The following VWF variants were observed in gnomAD, a reference collection of about 807,000 sequenced individuals.
VWF encodes Factor VIII related antigen.
Under a neutral mutation model 308.6 loss-of-function variants are expected in VWF, and 176 were observed. The observed-to-expected ratio is 0.57, with a 90% CI of 0.50 to 0.65. VWF has a LOEUF of 0.65. Ranked by LOEUF, VWF falls within the 30% of genes least tolerant of loss-of-function variation. The pLI is 0.00. For missense variants in VWF, 3,146 were observed against 3,648.2 expected (o/e 0.86, Z 3.55); for synonymous variants, 1,385 against 1,443.4 (o/e 0.96, Z 0.92).
intron 15 of VWF, among the ~76,000 whole-genome samples, chr12:6,056,258 C>A (rs1944577198): frequency 1.4e-5 from 1 of 71,366 alleles, no homozygotes; most frequent in African/African-American, 8.1e-5. Flanking sequence ...GCAAATGTCC[C>A]CAGAGCAATA....
rs747351776 is a variant in VWF at position 5,971,679 on chromosome 12, A to G, written c.7468T>C (p.Cys2490Arg). The change falls in exon 44 of 52, where the codon TGC becomes CGC. Residue 2490 changes from cysteine (C) to arginine (R), a missense_variant. Cys to Arg is a radical substitution (Grantham distance 180). Around this residue, in one of 3 missense-constraint regions of VWF, gnomAD observed 989 missense variants for 1,117.4 expected, o/e 0.89. Coordinates refer to ENST00000261405, the MANE Select transcript of VWF (RefSeq NM_000552.5). ...GFTYVLHEGE[C>R]CGRCLPSACE... ...GCAGATGGCAGGCACCTTCCACAGC[A>G]CTCGCCTTCATGCAGAACGTAAGTG... 2 of 1,614,186 alleles carry G rather than the reference A, an allele frequency of 1.2e-6. No homozygotes were observed. The highest frequency in any genetic ancestry group is 1.7e-6 in the Non-Finnish European group (2 of 1,180,034).
chr12:6,055,903 TA>T (rs1944573781), intron 15 of VWF, among the ~76,000 whole-genome samples: 1 of 151,602 alleles, frequency 6.6e-6, no homozygotes, highest in Non-Finnish European at 1.5e-5. Context: ...ACCTCCCAAG[TA>T]GCTGGGACTA....
chr12:6,044,517 C>A, intron 17 of VWF, 66 bp from the exon 18 acceptor site: 2 of 1,556,920 alleles, frequency 1.3e-6, no homozygotes, highest in Non-Finnish European at 1.7e-6. Flanking sequence ...TCCACACTGT[C>A]CTTTGGTCCC....
chr12:5,982,685 C>T (rs1217809529), intron 41 of VWF, among the ~76,000 whole-genome samples: 6 of 152,092 alleles, frequency 3.9e-5, no homozygotes, highest in Non-Finnish European at 7.3e-5. Flanking sequence ...GGTTTCTTGT[C>T]GTGTCTTATT....
chr12:6,035,328 TAC>T (rs1312874801), intron 19 of VWF, among the ~76,000 whole-genome samples: 1 of 152,220 alleles, frequency 6.6e-6, no homozygotes, highest in African/African-American at 2.4e-5. Flanking sequence ...TGTGCATAGC[TAC>T]ACGTTAAGAT....
chr12:5,964,219 A>AATACATACATACATACATAC (rs746364619), intron 47 of VWF, among the ~76,000 whole-genome samples: 3 of 118,166 alleles, frequency 2.5e-5, no homozygotes, highest in African/African-American at 1.1e-4. Flanking sequence ...TCTGTCTAAA[A>AATACATACATACATACATAC]ATACATACAT....
intron 17 of VWF, among the ~76,000 whole-genome samples, chr12:6,045,075 C>T (rs1213931683): frequency 6.6e-6 from 1 of 152,222 alleles, no homozygotes; most frequent in African/African-American, 2.4e-5. Context: ...TTACTGTCCT[C>T]CCCAAGCCAC....
intron 13 of VWF, among the ~76,000 whole-genome samples, chr12:6,061,984 CAAACAGTTACTTTTCCCCA>C (rs1944659385): frequency 1.3e-5 from 2 of 152,066 alleles, no homozygotes; most frequent in South Asian, 4.1e-4. Flanking sequence ...TTTGTTCTGG[CAAACAGTTACTTTTCCCCA>C]AAACAGTGAT....
chr12:6,093,714 G>A (rs770373032), intron 6 of VWF, among the ~76,000 whole-genome samples: 1 of 152,210 alleles, frequency 6.6e-6, no homozygotes, highest in East Asian at 1.9e-4. Flanking sequence ...CCACAGTGGG[G>A]AGGGAATTAC....
chr12:6,025,804 T>A (rs1188877032), intron 23 of VWF, 102 bp downstream of exon 23: 4 of 1,602,144 alleles, frequency 2.5e-6, no homozygotes, highest in Non-Finnish European at 2.6e-6. Context: ...CTGGAGGTCA[T>A]ACCACCCACA....
At chr12:6,009,094 G>T (rs216814) in intron 34 of VWF, among the ~76,000 whole-genome samples, 83,738 of 151,782 alleles carry the variant, frequency 0.55, 23,391 homozygotes, top group East Asian at 0.72. Flanking sequence ...TGGGACTACA[G>T]CAAACCAAAA....
Position 5,995,626 on chromosome 12 carries a change from C to G in VWF, c.6063+376G>C, listed in dbSNP as rs1335917374. 2.6e-5 allele frequency among the ~76,000 whole-genome samples: 4 copies of G among 152,050 alleles called. No homozygotes were observed. In the East Asian group the frequency reaches 7.7e-4, roughly 29 times the overall value. On this transcript the variant is annotated intron_variant, in intron 35 of 51. Transcript: ENST00000261405. ...GTAGGCCTTAAATATTTTCAAAAGACCTAATTTAGGCCATAAATGTTTCCC... is the reference window on the plus strand; with the variant it reads ...GTAGGCCTTAAATATTTTCAAAAGAGCTAATTTAGGCCATAAATGTTTCCC...
intron 42 of VWF, among the ~76,000 whole-genome samples, chr12:5,977,044 T>C (rs369382394): frequency 5.9e-5 from 9 of 152,352 alleles, no homozygotes; most frequent in African/African-American, 2.2e-4. Flanking sequence ...TTCAAACATT[T>C]TGAAACCATT....
intron 4 of VWF, 74 bp from the exon 5 acceptor site, chr12:6,110,656 C>T: frequency 6.6e-7 from 1 of 1,518,060 alleles, no homozygotes; most frequent in Non-Finnish European, 9.1e-7. Flanking sequence ...CTTCTAACCC[C>T]AACCCCATGT....
chr12:6,098,155 C>G (rs1473845272), intron 5 of VWF, among the ~76,000 whole-genome samples: 1 of 152,240 alleles, frequency 6.6e-6, no homozygotes, highest in Non-Finnish European at 1.5e-5. Context: ...CCAAGCTGAG[C>G]AGATTCCTAG....
At chr12:6,121,381 C>A in intron 2 of VWF, 43 bp from the exon 3 acceptor site, 1 of 1,606,394 alleles carries the variant, frequency 6.2e-7, no homozygotes, top group Non-Finnish European at 8.5e-7. Context: ...TCTCAGGGCA[C>A]AACTGGGACC....
intron 37 of VWF, among the ~76,000 whole-genome samples, chr12:5,993,331 G>A (rs932894380): frequency 2.6e-5 from 4 of 152,098 alleles, no homozygotes; most frequent in Admixed American, 6.5e-5. Flanking sequence ...CCTTGGGGAG[G>A]GGCTGTCTGC....
intron 43 of VWF, 37 bp from the exon 44 acceptor site, chr12:5,971,746 G>A: frequency 1.3e-6 from 2 of 1,579,028 alleles, no homozygotes; most frequent in South Asian, 1.1e-5. Context: ...GGACAGGCCA[G>A]CAGCAAAGAC....
chr12:5,969,525 G>A, intron 44 of VWF, 134 bp from the exon 45 acceptor site: 1 of 1,058,832 alleles, frequency 9.4e-7, no homozygotes, highest in Non-Finnish European at 1.4e-6. Context: ...CCCACCACAG[G>A]GTAGGGCCCA....
Sources: gnomAD v4.1 joint callset for allele counts (sites outside exome capture counted in the v4.1 genomes callset) on GRCh38, gnomAD v4.1.1 for gene constraint, gnomAD v4.1.1 regional missense constraint, MANE v1.5 for transcripts, NCBI Gene and HGNC (gene_info 2026-07-23, HGNC 2026-07-21) for gene names.